The following ARHGAP32 variants were observed in gnomAD, a reference collection of about 807,000 sequenced individuals.
ARHGAP32 encodes the protein Rho GTPase activating protein 32.
ARHGAP32 carries 51 observed loss-of-function variants against 186.5 expected under a neutral mutation model. The ratio of observed to expected loss-of-function variants is 0.27; its 90% CI spans 0.22 to 0.35. The LOEUF is 0.35. Among genes scored for constraint, ARHGAP32 ranks in the 10% least tolerant of loss-of-function variants. The pLI is 1.00. For missense variants in ARHGAP32, 2,186 were observed against 2,623.5 expected (o/e 0.83, Z 3.64); for synonymous variants, 950 against 964.3 (o/e 0.99, Z 0.27).
In ARHGAP32 at chr11:128,969,923, A is replaced by G. The variant is rs2136060898; in HGVS notation, c.5290T>C (p.Tyr1764His). 3 of 1,613,996 alleles carry G rather than the reference A, an allele frequency of 1.9e-6. No homozygotes were observed. The highest frequency in any genetic ancestry group is 1.7e-5 in the Admixed American group (1 of 60,020). The change falls in exon 23 of 23, where the codon TAC (tyrosine) becomes CAC (histidine). Residue 1764 changes from tyrosine to histidine, a missense_variant. This residue lies in a region of ARHGAP32 where 1,502 missense variants were observed against 1,570.0 expected (regional missense o/e 0.96). Coordinates refer to ENST00000682385, the MANE Select transcript of ARHGAP32 (RefSeq NM_001378024.1). This position sits in a 1 kb window ranked among gnomAD's most constrained non-coding sequence, Gnocchi z 4.8. Reference sequence around the variant, plus strand: ...TCTCTCCGGATGGACTGCATGCGGTATTTTTCCATGTCCTCAAGATCCCAT... The same window carrying G: ...TCTCTCCGGATGGACTGCATGCGGTGTTTTTCCATGTCCTCAAGATCCCAT... ...TSWDLEDMEK[Y>H]RMQSIRRESR...
chr11:129,266,775 G>A (rs908519571), intron 1 of ARHGAP32, among the ~76,000 whole-genome samples: 1 of 152,124 alleles, frequency 6.6e-6, no homozygotes, highest in Non-Finnish European at 1.5e-5. Flanking sequence ...CCCTGACCAT[G>A]GGGCCAGCTA....
At chr11:129,174,905 G>A (rs577707249) in intron 1 of ARHGAP32, among the ~76,000 whole-genome samples, 43 of 147,580 alleles carry the variant, frequency 2.9e-4, no homozygotes, top group Admixed American at 8.2e-4. Context: ...CCAAAGGAAC[G>A]CAGTTCCTCA....
At chr11:129,029,370 T>C (rs1457129447) in intron 11 of ARHGAP32, among the ~76,000 whole-genome samples, 1 of 152,192 alleles carries the variant, frequency 6.6e-6, no homozygotes, top group Admixed American at 6.5e-5. Context: ...CCATGTCAGG[T>C]GCATGGCACA....
At chr11:129,221,404 GC>G (rs1240471089) in intron 1 of ARHGAP32, among the ~76,000 whole-genome samples, 1 of 151,534 alleles carries the variant, frequency 6.6e-6, no homozygotes, top group Non-Finnish European at 1.5e-5. Flanking sequence ...GAAGGGGTGG[GC>G]TGAAATATGC....
chr11:129,207,752 T>A (rs1944533108), intron 1 of ARHGAP32, among the ~76,000 whole-genome samples: 1 of 152,056 alleles, frequency 6.6e-6, no homozygotes, highest in African/African-American at 2.4e-5. Flanking sequence ...ACAAGCCTTC[T>A]AAAATAAATA....
chr11:129,251,287 G>C (rs1199885930), intron 1 of ARHGAP32, among the ~76,000 whole-genome samples: 1 of 152,156 alleles, frequency 6.6e-6, no homozygotes, highest in Non-Finnish European at 1.5e-5. Flanking sequence ...CCTAGGCTAT[G>C]AAATACGATT....
chr11:128,974,005 G>A (rs973425971), intron 21 of ARHGAP32, 119 bp downstream of exon 21: 32 of 1,251,830 alleles, frequency 2.6e-5, no homozygotes, highest in Admixed American at 2.5e-4. Flanking sequence ...ACCCAGAAAA[G>A]CATTCTCTTT....
At chr11:129,099,947 G>A (rs141669603) in intron 5 of ARHGAP32, among the ~76,000 whole-genome samples, 157 of 152,306 alleles carry the variant, frequency 1.0e-3, no homozygotes, top group Non-Finnish European at 5.9e-4. Flanking sequence ...ACTGCACCAG[G>A]ACTCGTTCCT....
intron 10 of ARHGAP32, among the ~76,000 whole-genome samples, chr11:129,052,229 G>A (rs1255614652): frequency 1.3e-5 from 2 of 152,122 alleles, no homozygotes; most frequent in Non-Finnish European, 1.5e-5. Context: ...CTGTATGTAT[G>A]TATTTCAGGA....
At chr11:129,216,535 T>C (rs1419179771) in intron 1 of ARHGAP32, among the ~76,000 whole-genome samples, 6 of 151,854 alleles carry the variant, frequency 4.0e-5, no homozygotes, top group Non-Finnish European at 8.8e-5. Flanking sequence ...TAGCCCAGCA[T>C]GGTGGCTGGT....
At chr11:129,146,957 G>C (rs1253020312) in intron 2 of ARHGAP32, among the ~76,000 whole-genome samples, 1 of 151,920 alleles carries the variant, frequency 6.6e-6, no homozygotes, top group Non-Finnish European at 1.5e-5. Flanking sequence ...ATTTCACTTA[G>C]ATTATTATTG....
chr11:129,163,027 G>C (rs374088972), intron 2 of ARHGAP32, among the ~76,000 whole-genome samples: 14 of 152,230 alleles, frequency 9.2e-5, no homozygotes, highest in African/African-American at 2.9e-4. Flanking sequence ...GTGCAACTGA[G>C]AACTTCCACC....
chr11:129,246,517 A>G (rs567611533), intron 1 of ARHGAP32, among the ~76,000 whole-genome samples: 4 of 152,348 alleles, frequency 2.6e-5, no homozygotes, highest in South Asian at 2.1e-4. Context: ...ATGAAAGCCA[A>G]TACCTCGAAA....
At chr11:129,150,065 T>C (rs890730003) in intron 2 of ARHGAP32, among the ~76,000 whole-genome samples, 1 of 148,638 alleles carries the variant, frequency 6.7e-6, no homozygotes, top group South Asian at 2.1e-4. Flanking sequence ...TTGAAGAAAA[T>C]TAACCCAAAT....
At chr11:129,135,958 C>T (rs919541095) in intron 2 of ARHGAP32, among the ~76,000 whole-genome samples, 3 of 152,118 alleles carry the variant, frequency 2.0e-5, no homozygotes, top group African/African-American at 7.2e-5. Flanking sequence ...GACACCCTAC[C>T]GAATTTAATA....
At chr11:128,981,126 G>T (rs1404702781) in intron 17 of ARHGAP32, among the ~76,000 whole-genome samples, 1 of 152,088 alleles carries the variant, frequency 6.6e-6, no homozygotes, top group Non-Finnish European at 1.5e-5. Context: ...TTTTAGTTTT[G>T]GAAGCAATTT....
At chr11:129,232,418 AATG>A (rs751294212) in intron 1 of ARHGAP32, among the ~76,000 whole-genome samples, 3 of 152,174 alleles carry the variant, frequency 2.0e-5, no homozygotes, top group Non-Finnish European at 2.9e-5. Flanking sequence ...GGGTTACTCA[AATG>A]ATGATATTTC....
At chr11:129,178,281 G>T (rs1286979604) in intron 1 of ARHGAP32, among the ~76,000 whole-genome samples, 4 of 151,846 alleles carry the variant, frequency 2.6e-5, no homozygotes, top group Non-Finnish European at 4.4e-5. Context: ...CATTGCTCAA[G>T]GAAATAAAAG....
At chr11:129,005,953 A>G (rs933897653) in intron 11 of ARHGAP32, among the ~76,000 whole-genome samples, 1 of 151,802 alleles carries the variant, frequency 6.6e-6, no homozygotes, top group Non-Finnish European at 1.5e-5. Flanking sequence ...TCCTTTGTGT[A>G]TTTTCAGCCT....
Sources: allele counts gnomAD v4.1 joint callset (sites outside exome capture counted in the v4.1 genomes callset), GRCh38; gene constraint gnomAD v4.1.1; regional missense constraint gnomAD v4.1.1; non-coding constraint Gnocchi (gnomAD v3.1); transcripts MANE v1.5; gene names NCBI Gene and HGNC (gene_info 2026-07-23, HGNC 2026-07-21).